Variants in MIS18A observed in about 807,000 individuals in gnomAD.
MIS18A encodes the protein protein Mis18-alpha.
A neutral mutation model predicts 25.0 loss-of-function variants in MIS18A; 14 were observed. The ratio of observed to expected loss-of-function variants is 0.56; its 90% CI spans 0.37 to 0.88. The LOEUF (loss-of-function observed/expected upper bound fraction) is 0.88. MIS18A is among the 40% of genes least tolerant of loss of function. The pLI is 0.00. For missense variants in MIS18A, 292 were observed against 290.8 expected, an observed-to-expected ratio of 1.00 and a Z score of -0.03; for synonymous variants, 134 against 118.6, an observed-to-expected ratio of 1.13 and a Z score of -0.84.
At chr21:32,166,361 T>C in the MIS18A span, among the ~76,000 whole-genome samples, 1 of 152,216 alleles carries the variant, frequency 6.6e-6, no homozygotes, top group African/African-American at 2.4e-5. Context: ...CAACACCAGA[T>C]ATTGGCTTCT....
In MIS18A at chr21:32,269,517, A is replaced by C. The variant is rs2031673806; in HGVS notation, c.621+190T>G. 5 of 526,056 alleles carry C rather than the reference A, an allele frequency of 9.5e-6. No homozygotes were observed. The South Asian group carries it at 1.5e-4, about 15-fold the overall frequency. The allele number at this position is 526,056 out of a possible 1,614,324, so 32.6% of individuals were successfully genotyped here. ...GATTTTGACATGACATGTCTTCCTCATTATTTTGTTGATTAAGCTTTAGCT... is the reference window on the plus strand; with the variant it reads ...GATTTTGACATGACATGTCTTCCTCCTTATTTTGTTGATTAAGCTTTAGCT... On this transcript the variant is annotated intron_variant, in intron 4 of 4. Transcript: ENST00000290130.
chr21:32,218,192 C>CAAAAAAAAAAAAAAAAAA, the MIS18A span, among the ~76,000 whole-genome samples: 26 of 56,358 alleles, frequency 4.6e-4, no homozygotes, highest in South Asian at 8.2e-4. Context: ...GACTCCATCT[C>CAAAAAAAAAAAAAAAAAA]AAAAAAAAAA....
chr21:32,278,911 A>G lies in MIS18A; in HGVS notation c.104T>C (p.Leu35Pro). 6.2e-7 allele frequency: 1 copy of G among 1,613,632 alleles called. No individual in the cohort carries two copies. The highest frequency in any genetic ancestry group is 8.5e-7 in the Non-Finnish European group (1 of 1,180,000). ...CSDSSLLGKR[L>P]SEDSSRHQLL... ...CTGGTGGCGGCTCGAGTCTTCGGAGAGTCTCTTGCCCAACAGCGAGGAGTC... is the reference window on the plus strand; with the variant it reads ...CTGGTGGCGGCTCGAGTCTTCGGAGGGTCTCTTGCCCAACAGCGAGGAGTC... Residue 35 changes from leucine (L) to proline (P), a missense_variant, in exon 1 of 5, where the codon CTC becomes CCC. By Grantham distance (98) the Leu-to-Pro change is moderately conservative. Coordinates refer to ENST00000290130, the MANE Select transcript of MIS18A (RefSeq NM_018944.3).
At chr21:32,244,956 T>C in the MIS18A span, among the ~76,000 whole-genome samples, 1 of 152,216 alleles carries the variant, frequency 6.6e-6, no homozygotes, top group African/African-American at 2.4e-5. Context: ...ACATATTCAG[T>C]AAACACTTTA....
At chr21:32,171,779 G>C in the MIS18A span, among the ~76,000 whole-genome samples, 1 of 151,858 alleles carries the variant, frequency 6.6e-6, no homozygotes, top group African/African-American at 2.4e-5. Flanking sequence ...ATTGTTATAC[G>C]GCACATGATT....
At chr21:32,266,432 A>C (rs991744994), downstream of MIS18A, among the ~76,000 whole-genome samples, 9 of 151,962 alleles carry the variant, frequency 5.9e-5, no homozygotes, top group Non-Finnish European at 7.4e-5. Flanking sequence ...CACACTGTGG[A>C]AGCTTTGTTT....
the MIS18A span, among the ~76,000 whole-genome samples, chr21:32,258,570 A>G: frequency 6.6e-6 from 1 of 152,092 alleles, no homozygotes; most frequent in African/African-American, 2.4e-5. Context: ...AAAAAGTCCG[A>G]CTCACAGCCT....
chr21:32,258,271 T>C, the MIS18A span, among the ~76,000 whole-genome samples: 1 of 152,136 alleles, frequency 6.6e-6, no homozygotes, highest in Admixed American at 6.5e-5. Context: ...GGGAAAATCC[T>C]GTGCAAGTGT....
chr21:32,199,235 T>C, the MIS18A span, among the ~76,000 whole-genome samples: 5 of 152,082 alleles, frequency 3.3e-5, no homozygotes, highest in Non-Finnish European at 5.9e-5. Flanking sequence ...GGGTAGGGTG[T>C]GGAATAGATT....
At chr21:32,261,792 C>T in the MIS18A span, among the ~76,000 whole-genome samples, 1 of 152,168 alleles carries the variant, frequency 6.6e-6, no homozygotes, top group South Asian at 2.1e-4. Flanking sequence ...GAGGTGAGAG[C>T]TTGAAAGAGA....
At chr21:32,217,246 A>T in the MIS18A span, among the ~76,000 whole-genome samples, 3 of 152,110 alleles carry the variant, frequency 2.0e-5, no homozygotes, top group East Asian at 5.8e-4. Flanking sequence ...GAACTAAAGT[A>T]TGAAAATGAT....
At chr21:32,223,125 C>T in the MIS18A span, among the ~76,000 whole-genome samples, 1 of 151,980 alleles carries the variant, frequency 6.6e-6, no homozygotes, top group Admixed American at 6.6e-5. Flanking sequence ...ACAGCTAAAG[C>T]AGTGTTTAGA....
the MIS18A span, among the ~76,000 whole-genome samples, chr21:32,161,097 GA>G: frequency 6.6e-6 from 1 of 152,200 alleles, no homozygotes; most frequent in South Asian, 2.1e-4. Context: ...GGGACCCCAA[GA>G]TTTATTTTCA....
At chr21:32,171,219 T>G in the MIS18A span, among the ~76,000 whole-genome samples, 170 of 152,202 alleles carry the variant, frequency 1.1e-3, no homozygotes, top group African/African-American at 3.9e-3. Context: ...GGTATGATCT[T>G]CTGTATAAAA....
At chr21:32,177,908 CTTTTGT>C in the MIS18A span, among the ~76,000 whole-genome samples, 1 of 147,942 alleles carries the variant, frequency 6.8e-6, no homozygotes, top group Non-Finnish European at 1.5e-5. Flanking sequence ...CTTTTTTTTT[CTTTTGT>C]TTTCTTTTCT....
the MIS18A span, among the ~76,000 whole-genome samples, chr21:32,233,443 A>G: frequency 6.6e-6 from 1 of 152,344 alleles, no homozygotes; most frequent in East Asian, 1.9e-4. Flanking sequence ...TGCTATGTGC[A>G]GTGATACTGT....
chr21:32,254,191 A>C, the MIS18A span, among the ~76,000 whole-genome samples: 1 of 151,734 alleles, frequency 6.6e-6, no homozygotes, highest in Non-Finnish European at 1.5e-5. Context: ...AGATCATGCC[A>C]CTGCACTCCA....
the MIS18A span, among the ~76,000 whole-genome samples, chr21:32,249,184 G>T: frequency 6.6e-6 from 1 of 152,170 alleles, no homozygotes; most frequent in Non-Finnish European, 1.5e-5. Flanking sequence ...TCGGGAGGGG[G>T]CCCTGGCCTC....
chr21:32,210,046 T>G, the MIS18A span, among the ~76,000 whole-genome samples: 1 of 152,202 alleles, frequency 6.6e-6, no homozygotes, highest in Non-Finnish European at 1.5e-5. Flanking sequence ...GTTGTTGGAC[T>G]CTGAATCAAG....
Sources: allele counts gnomAD v4.1 joint callset (sites outside exome capture counted in the v4.1 genomes callset), GRCh38; gene constraint gnomAD v4.1.1; transcripts MANE v1.5; gene names NCBI Gene and HGNC (gene_info 2026-07-23, HGNC 2026-07-21).